The following FERRY3 variants were observed in gnomAD, a reference collection of about 807,000 sequenced individuals.
The protein encoded by FERRY3 is protein C12orf4.
At chr12:4,511,355 C>T in the FERRY3 span, among the ~76,000 whole-genome samples, 21 of 152,040 alleles carry the variant, frequency 1.4e-4, no homozygotes, top group East Asian at 1.7e-3. Flanking sequence ...AACAAGGATA[C>T]GCAGGAACTG....
chr12:4,500,680 G>GTCTT, the FERRY3 span, among the ~76,000 whole-genome samples: 1 of 152,116 alleles, frequency 6.6e-6, no homozygotes, highest in Non-Finnish European at 1.5e-5. Flanking sequence ...TTGACATGGA[G>GTCTT]TCTTACTCTG....
chr12:4,533,995 A>T, the FERRY3 span: 3 of 644,226 alleles, frequency 4.7e-6, no homozygotes, highest in Non-Finnish European at 7.0e-6. Context: ...TTATGTGCTC[A>T]CCCTGATATA....
At chr12:4,533,205 T>A in the FERRY3 span, among the ~76,000 whole-genome samples, 1 of 152,210 alleles carries the variant, frequency 6.6e-6, no homozygotes, top group African/African-American at 2.4e-5. Flanking sequence ...TGGAGAAGCA[T>A]CTGTCTTCCC....
At chr12:4,530,793 CA>C in the FERRY3 span, among the ~76,000 whole-genome samples, 7 of 152,098 alleles carry the variant, frequency 4.6e-5, no homozygotes, top group Admixed American at 4.6e-4. Flanking sequence ...ATGCCCTCAG[CA>C]CACACGAATA....
the FERRY3 span, chr12:4,518,983 T>A: frequency 1.4e-6 from 1 of 717,988 alleles, no homozygotes; most frequent in African/African-American, 1.9e-5. Context: ...AAGTCTTGCT[T>A]AATTTTTTCC....
chr12:4,517,819 C>T, the FERRY3 span, among the ~76,000 whole-genome samples: 5 of 151,214 alleles, frequency 3.3e-5, no homozygotes, highest in Admixed American at 1.3e-4. Flanking sequence ...TGTTTTACCT[C>T]GTAATGAGAA....
chr12:4,531,288 C>T, the FERRY3 span, among the ~76,000 whole-genome samples: 2 of 152,134 alleles, frequency 1.3e-5, no homozygotes, highest in African/African-American at 2.4e-5. Context: ...TTATAACCAG[C>T]CTATGGGACT....
chr12:4,538,197 C>G, the FERRY3 span, among the ~76,000 whole-genome samples: 2 of 152,132 alleles, frequency 1.3e-5, no homozygotes, highest in African/African-American at 4.8e-5. Flanking sequence ...TTTTAGCAAC[C>G]GTGAAATCCA....
chr12:4,510,938 G>A, the FERRY3 span, among the ~76,000 whole-genome samples: 37 of 152,200 alleles, frequency 2.4e-4, no homozygotes, highest in African/African-American at 5.8e-4. Context: ...AAAAGACACA[G>A]ACTGGCAAAT....
At chr12:4,517,710 CAGAGAG>C in the FERRY3 span, among the ~76,000 whole-genome samples, 41 of 132,296 alleles carry the variant, frequency 3.1e-4, no homozygotes, top group South Asian at 7.4e-4. Context: ...TATATATAGA[CAGAGAG>C]AGAGAGAGAG....
At chr12:4,536,930 A>G in the FERRY3 span, among the ~76,000 whole-genome samples, 1 of 152,214 alleles carries the variant, frequency 6.6e-6, no homozygotes, top group Non-Finnish European at 1.5e-5. Context: ...AAGTTATAGT[A>G]ATCTTCCTTT....
the FERRY3 span, among the ~76,000 whole-genome samples, chr12:4,510,156 T>C: frequency 7.3e-6 from 1 of 136,700 alleles, no homozygotes; most frequent in Non-Finnish European, 1.5e-5. Flanking sequence ...CAATGGAAGA[T>C]GAAATGAATG....
chr12:4,524,032 A>C, the FERRY3 span, among the ~76,000 whole-genome samples: 1 of 151,930 alleles, frequency 6.6e-6, no homozygotes, highest in Non-Finnish European at 1.5e-5. Context: ...GTAAGAGATA[A>C]CTTTTTTTTT....
the FERRY3 span, chr12:4,525,299 A>G: frequency 6.2e-7 from 1 of 1,613,618 alleles, no homozygotes; most frequent in Non-Finnish European, 8.5e-7. Flanking sequence ...GTGAAGTTTT[A>G]TTACCCATTC....
chr12:4,532,865 C>A, the FERRY3 span, among the ~76,000 whole-genome samples: 2 of 152,134 alleles, frequency 1.3e-5, no homozygotes, highest in Admixed American at 6.6e-5. Context: ...CCTAACAAAA[C>A]CCTCATCTTA....
At chr12:4,495,977 C>T in the FERRY3 span, among the ~76,000 whole-genome samples, 1 of 152,178 alleles carries the variant, frequency 6.6e-6, no homozygotes, top group Non-Finnish European at 1.5e-5. Context: ...ATGATATAAA[C>T]TCTCATATTC....
At chr12:4,536,040 C>A in the FERRY3 span, 1 of 1,578,434 alleles carries the variant, frequency 6.3e-7, no homozygotes, top group Non-Finnish European at 8.6e-7. Flanking sequence ...GCACGGTAAA[C>A]TGTGCAGCAG....
the FERRY3 span, among the ~76,000 whole-genome samples, chr12:4,528,960 AAT>A: frequency 6.6e-6 from 1 of 151,126 alleles, no homozygotes; most frequent in East Asian, 1.9e-4. Flanking sequence ...ATTTAGTCCT[AAT>A]ATACTCTCAC....
At chr12:4,523,352 A>T in the FERRY3 span, among the ~76,000 whole-genome samples, 9 of 152,352 alleles carry the variant, frequency 5.9e-5, no homozygotes, top group African/African-American at 2.2e-4. Context: ...ACACTTTTAC[A>T]CTGTTGGTGG....
Sources: gnomAD v4.1 joint callset for allele counts (sites outside exome capture counted in the v4.1 genomes callset) on GRCh38, gnomAD v4.1.1 for gene constraint, MANE v1.5 for transcripts, NCBI Gene and HGNC (gene_info 2026-07-23, HGNC 2026-07-21) for gene names.